Variants in FAM222B observed in about 807,000 individuals in gnomAD.
The protein encoded by FAM222B is family with sequence similarity 222 member B.
A neutral mutation model predicts 38.0 loss-of-function variants in FAM222B; 12 were observed. That is an observed-to-expected ratio of 0.32 (90% CI 0.20 to 0.51). The LOEUF is 0.51. Among genes scored for constraint, FAM222B ranks in the 20% least tolerant of loss-of-function variants. The pLI is 0.97. For missense variants in FAM222B, 716 were observed against 754.2 expected, an observed-to-expected ratio of 0.95 and a Z score of 0.59; for synonymous variants, 329 against 317.2, an observed-to-expected ratio of 1.04 and a Z score of -0.40.
chr17:28,784,798 A>T (rs562900283), intron 1 of FAM222B, among the ~76,000 whole-genome samples: 10 of 152,074 alleles, frequency 6.6e-5, no homozygotes, highest in Non-Finnish European at 1.5e-4. Context: ...CCCAGGCTTC[A>T]ATATCCAATG....
intron 1 of FAM222B, among the ~76,000 whole-genome samples, chr17:28,823,052 T>C (rs2038319168): frequency 6.7e-6 from 1 of 149,846 alleles, no homozygotes; most frequent in African/African-American, 2.5e-5. Context: ...TGAGACTCCA[T>C]CTTGGGGGGA....
At chr17:28,849,830 C>G (rs981016450) in intron 1 of FAM222B, among the ~76,000 whole-genome samples, 3 of 152,026 alleles carry the variant, frequency 2.0e-5, no homozygotes, top group Non-Finnish European at 4.4e-5. Flanking sequence ...GCCTGTAATC[C>G]CAGCACTTTG....
At chr17:28,777,628 ACAT>A (rs2035952317) in intron 1 of FAM222B, among the ~76,000 whole-genome samples, 1 of 152,228 alleles carries the variant, frequency 6.6e-6, no homozygotes, top group Non-Finnish European at 1.5e-5. Flanking sequence ...TTACTGGCTC[ACAT>A]TCCTGAAGGA....
chr17:28,758,776 C>T lies in FAM222B; in HGVS notation c.1183G>A (p.Gly395Arg), dbSNP rs561518046. ...AAGCCAGGCCCTGCCAACTCGCGTC[C>T]TGCCGCATGCTTGCCTGTCAGGCCA... ...APGLTGKHAA[G>R]RELAGPGFVG... Residue 395 changes from glycine (G) to arginine (R), a missense_variant, in exon 3 of 3, where the codon GGA (glycine) becomes AGA (arginine). Gly to Arg is a moderately radical substitution (Grantham distance 125, BLOSUM62 -2). Transcript: ENST00000581407. The T allele has an allele frequency of 8.3e-6, 13 of 1,573,340 alleles. No individual in the cohort carries two copies. Among genetic ancestry groups the T allele is most frequent in the Admixed American group, 1.8e-5 (1 of 54,146 alleles).
Position 28,757,095 on chromosome 17 carries a change from G to A in FAM222B, c.*1175C>T, listed in dbSNP as rs1421243852. 1 of 152,670 alleles carries A rather than the reference G, an allele frequency of 6.6e-6. No homozygotes were observed. Among genetic ancestry groups the A allele is most frequent in the Non-Finnish European group, 1.5e-5 (1 of 68,056 alleles). 9.5% of individuals were successfully genotyped at this position (152,670 alleles called of 1,614,324 possible). ...TGGAGTGGATGAAGGTATGCTCTAA[G>A]AATGGACAGAGGGCAGGAGGGGCTT... is the stretch of plus-strand genomic sequence containing the variant. On this transcript the variant is annotated 3_prime_UTR_variant, in exon 3 of 3. Coordinates refer to ENST00000581407, the MANE Select transcript of FAM222B (RefSeq NM_001077498.3).
At chr17:28,776,145 G>A (rs1288752895) in intron 1 of FAM222B, among the ~76,000 whole-genome samples, 1 of 150,684 alleles carries the variant, frequency 6.6e-6, no homozygotes, top group Non-Finnish European at 1.5e-5. Context: ...GGCTGAGGCG[G>A]GCGTATCATG....
At chr17:28,820,122 C>T (rs546720349) in intron 1 of FAM222B, among the ~76,000 whole-genome samples, 96 of 152,270 alleles carry the variant, frequency 6.3e-4, no homozygotes, top group African/African-American at 2.2e-3. Context: ...ACAATATATA[C>T]GATCCCAGGT....
intron 1 of FAM222B, among the ~76,000 whole-genome samples, chr17:28,850,323 A>G (rs1405076834): frequency 2.0e-5 from 3 of 151,076 alleles, no homozygotes; most frequent in Admixed American, 1.3e-4. Flanking sequence ...TCTTTTTAAG[A>G]CAGAGTCTTG....
chr17:28,832,329 GAAGAA>G (rs917986525), intron 1 of FAM222B, among the ~76,000 whole-genome samples: 4 of 152,180 alleles, frequency 2.6e-5, no homozygotes, highest in East Asian at 3.8e-4. Flanking sequence ...CAGTTGTCCA[GAAGAA>G]AAGAAAAATG....
At chr17:28,799,557 C>A (rs2037120375) in intron 1 of FAM222B, among the ~76,000 whole-genome samples, 2 of 152,002 alleles carry the variant, frequency 1.3e-5, no homozygotes, top group Non-Finnish European at 2.9e-5. Flanking sequence ...GATCCGCCCA[C>A]CTCGGCCTAC....
intron 1 of FAM222B, among the ~76,000 whole-genome samples, chr17:28,792,127 C>G (rs186275972): frequency 1.3e-5 from 2 of 150,614 alleles, no homozygotes; most frequent in Non-Finnish European, 1.5e-5. Flanking sequence ...CTGGCCAACA[C>G]GGTGAAACCC....
chr17:28,786,894 ATTTTTTTTTTTTTTTTT>A lies in FAM222B; in HGVS notation c.-40-20204_-40-20188del, dbSNP rs34396988. On this transcript the variant is annotated intron_variant, in intron 1 of 2. Transcript: ENST00000581407. ...TAGCTAACACACTGCCCTTCACTGT[ATTTTTTTTTTTTTTTTT>A]TTTTTTTTTTTGAGACAGAGTCTCG... 5.6e-5 allele frequency among the ~76,000 whole-genome samples: 4 copies of A among 72,030 alleles called. No homozygotes were observed. The South Asian group carries it at 1.9e-3, about 35-fold the overall frequency. The allele number at this position is 72,030 out of a possible 152,430, so 47.3% of individuals were successfully genotyped here.
chr17:28,850,577 C>T (rs558776100), intron 1 of FAM222B, among the ~76,000 whole-genome samples: 2 of 152,240 alleles, frequency 1.3e-5, no homozygotes, highest in East Asian at 1.9e-4. Flanking sequence ...GGATTAGAGG[C>T]TTGAGCCACC....
At chr17:28,786,973 C>T (rs932226234) in intron 1 of FAM222B, among the ~76,000 whole-genome samples, 16 of 137,472 alleles carry the variant, frequency 1.2e-4, no homozygotes, top group South Asian at 7.0e-4. Context: ...GGCGCGATCT[C>T]GAGTGCAGTG....
intron 1 of FAM222B, among the ~76,000 whole-genome samples, chr17:28,780,007 G>A (rs983931704): frequency 8.0e-5 from 12 of 150,010 alleles, no homozygotes; most frequent in Admixed American, 6.7e-4. Context: ...GTCTCGCTCT[G>A]TCGCCCAGGC....
intron 1 of FAM222B, among the ~76,000 whole-genome samples, chr17:28,809,221 C>T (rs955082567): frequency 6.6e-6 from 1 of 152,006 alleles, no homozygotes; most frequent in African/African-American, 2.4e-5. Flanking sequence ...CGTGCTGGTG[C>T]GTGTCTGTAG....
chr17:28,816,544 AT>A (rs1213358601), intron 1 of FAM222B, among the ~76,000 whole-genome samples: 5 of 152,118 alleles, frequency 3.3e-5, no homozygotes, highest in African/African-American at 1.2e-4. Flanking sequence ...AATGGCATTT[AT>A]AACAACCAAA....
chr17:28,778,103 G>C (rs1261284821), intron 1 of FAM222B, among the ~76,000 whole-genome samples: 3 of 139,522 alleles, frequency 2.2e-5, no homozygotes, highest in Admixed American at 7.6e-5. Context: ...TTATTTTACT[G>C]TAAGTTCTGG....
intron 1 of FAM222B, among the ~76,000 whole-genome samples, chr17:28,791,619 G>A (rs2036688847): frequency 6.7e-6 from 1 of 150,156 alleles, no homozygotes; most frequent in African/African-American, 2.4e-5. Context: ...AGTGGCTCAT[G>A]ACTGCAATCC....
Sources: allele counts gnomAD v4.1 joint callset (sites outside exome capture counted in the v4.1 genomes callset), GRCh38; gene constraint gnomAD v4.1.1; transcripts MANE v1.5; gene names NCBI Gene and HGNC (gene_info 2026-07-23, HGNC 2026-07-21).